The following AIFM2 variants were observed in gnomAD, a reference collection of about 807,000 sequenced individuals.
The protein encoded by AIFM2 is ferroptosis suppressor protein 1.
A neutral mutation model predicts 35.7 loss-of-function variants in AIFM2; 38 were observed. The observed-to-expected ratio is 1.06, with a 90% CI of 0.82 to 1.39. The LOEUF (loss-of-function observed/expected upper bound fraction) is 1.39, where lower values mean the gene tolerates loss of function less well. AIFM2 is among the 40% of genes most tolerant of loss of function. The pLI is 0.00. For missense variants in AIFM2, 476 were observed against 491.2 expected (o/e 0.97, Z 0.29); for synonymous variants, 185 against 203.5 (o/e 0.91, Z 0.77).
At position 70,117,135 on chromosome 10, in the gene AIFM2, C is replaced by T. The variant is rs186660885; in HGVS notation, c.617-361G>A. On this transcript the variant is annotated intron_variant, in intron 6 of 8. Transcript: ENST00000307864. The surrounding 1 kb of genome is among the most constrained non-coding windows in gnomAD (Gnocchi z 4.7). ...CAGGACGAGCGCTCCAAGTGCACCA[C>T]GACAAAGGGGAAAGCCAGAGAAAGA... Among the ~76,000 whole-genome samples the T allele has an allele frequency of 1.3e-3, 196 of 152,318 alleles. 2 individuals are homozygous for T. The highest frequency in any genetic ancestry group is 4.4e-3 in the African/African-American group (182 of 41,556).
Position 70,117,759 on chromosome 10 carries a change from C to T in AIFM2, c.616+53G>A, listed in dbSNP as rs2072453654. 6.8e-7 allele frequency: 1 copy of T among 1,468,420 alleles called. No individual in the cohort carries two copies. Among genetic ancestry groups the T allele is most frequent in the Admixed American group, 2.1e-5 (1 of 47,748 alleles). 91.0% of individuals were successfully genotyped at this position (1,468,420 alleles called of 1,614,324 possible). A position where few individuals can be genotyped will look rare whatever the true frequency, so the allele number is the denominator to read the frequency against. On this transcript the variant is annotated intron_variant, in intron 6 of 8. Coordinates refer to ENST00000307864, the MANE Select transcript of AIFM2 (RefSeq NM_032797.6). The surrounding 1 kb of genome is among the most constrained non-coding windows in gnomAD (Gnocchi z 4.7). ...TGGAAGCAGTCACCAAGCCTCCAAG[C>T]CACATCTCACCAGGCCAGGGCAGGG...
rs745751272 is a variant in AIFM2 at position 70,116,768 on chromosome 10, C to T, written c.623G>A (p.Arg208Gln). Residue 208 changes from arginine to glutamine, a missense_variant, in exon 7 of 9, where the codon CGG becomes CAG. Physicochemically the swap from Arg to Gln is conservative, Grantham distance 43 (BLOSUM62 1). Transcript: ENST00000307864. ...RKGVQLLLSERVSNLEELPLN... is the reference protein window; with the variant it reads ...RKGVQLLLSEQVSNLEELPLN... ...AGGCAGCTCCTCCAGATTGCTCACC[C>T]GCTCACCTAGAAGGGGGTTCATGAC... 195 of 1,613,948 alleles carry T rather than the reference C, an allele frequency of 1.2e-4. 3 individuals are homozygous for T. In the Middle Eastern group the frequency reaches 3.8e-3, roughly 31 times the overall value.
At chr10:70,118,837 T>C (rs1223727022) in intron 5 of AIFM2, among the ~76,000 whole-genome samples, 1 of 151,998 alleles carries the variant, frequency 6.6e-6, no homozygotes, top group Non-Finnish European at 1.5e-5. Context: ...GATGGGAGGG[T>C]CTGACATAGA....
chr10:70,123,210 G>T (rs970746992), intron 3 of AIFM2, among the ~76,000 whole-genome samples, 195 bp downstream of exon 3: 1 of 152,154 alleles, frequency 6.6e-6, no homozygotes, highest in Non-Finnish European at 1.5e-5. Context: ...GTAGAGACAG[G>T]GTTTTGCCAT....
In AIFM2 at chr10:70,115,020, C is replaced by T; in HGVS notation, c.870G>A (p.Arg290=). The T allele has an allele frequency of 6.2e-7, 1 of 1,614,192 alleles. No individual in the cohort carries two copies. The highest frequency in any genetic ancestry group is 1.1e-5 in the South Asian group (1 of 91,076). The change falls in exon 8 of 9, where the codon AGG becomes AGA. Residue 290 remains arginine (R), a synonymous_variant. Coordinates refer to ENST00000307864, the MANE Select transcript of AIFM2 (RefSeq NM_032797.6). ...VYAIGDCADV[R]TPKMAYLAGL... Reference sequence around the variant, plus strand: ...CGGCAAGATAGGCCATCTTGGGCGTCCTCACGTCGGCACAGTCACCAATGG... The same window carrying T: ...CGGCAAGATAGGCCATCTTGGGCGTTCTCACGTCGGCACAGTCACCAATGG...
chr10:70,124,626 C>A (rs998413459), intron 1 of AIFM2, among the ~76,000 whole-genome samples: 1 of 152,146 alleles, frequency 6.6e-6, no homozygotes, highest in Non-Finnish European at 1.5e-5. Context: ...TAAGGGCAGA[C>A]CTTACAAAGT....
rs924072129 is a variant in AIFM2 at position 70,117,171 on chromosome 10, C to T, written c.617-397G>A. Among the ~76,000 whole-genome samples, 4 of 152,190 alleles carry T rather than the reference C, an allele frequency of 2.6e-5. No individual in the cohort carries two copies. The highest frequency in any genetic ancestry group is 6.5e-5 in the Admixed American group (1 of 15,282). ...AAAGCCAGAGAAAGAGAAGCCAGCTCGCTACACTCACTGCCTAAAGTGACA... is the reference window on the plus strand; with the variant it reads ...AAAGCCAGAGAAAGAGAAGCCAGCTTGCTACACTCACTGCCTAAAGTGACA... On this transcript the variant is annotated intron_variant, in intron 6 of 8. Coordinates refer to ENST00000307864, the MANE Select transcript of AIFM2 (RefSeq NM_032797.6). The surrounding 1 kb of genome is among the most constrained non-coding windows in gnomAD (Gnocchi z 4.7).
At position 70,117,986 on chromosome 10, in the gene AIFM2, G is replaced by A. The variant is rs1316512469; in HGVS notation, c.508-66C>T. The A allele has an allele frequency of 6.0e-6, 7 of 1,161,642 alleles. No homozygotes were observed. The highest frequency in any genetic ancestry group is 7.6e-6 in the Non-Finnish European group (6 of 785,542). The allele number at this position is 1,161,642 out of a possible 1,614,324, so 72.0% of individuals were successfully genotyped here. On this transcript the variant is annotated intron_variant, in intron 5 of 8. Transcript: ENST00000307864. This position sits in a 1 kb window ranked among gnomAD's most constrained non-coding sequence, Gnocchi z 4.7. ...AAGTCTTCAAACACAATCATTGCAC[G>A]AACGTCCACCTCCACTCATACCTCC...
chr10:70,114,281 T>C lies in AIFM2; in HGVS notation c.1019A>G (p.Gln340Arg). ...LSMGRNDGVG[Q>R]ISGFYVGRLM... is the part of the protein sequence containing the mutation. ...CCGGCCCACATAGAAGCCACTGATT[T>C]GGCCCACACCGTCATTTCTCCCCAT... Residue 340 changes from glutamine (Q) to arginine (R), a missense_variant, in exon 9 of 9, where the codon CAA (glutamine) becomes CGA (arginine). By Grantham distance (43) the Gln-to-Arg change is conservative. Transcript: ENST00000307864. 6.2e-7 allele frequency: 1 copy of C among 1,614,026 alleles called. No individual in the cohort carries two copies. Among genetic ancestry groups the C allele is most frequent in the South Asian group, 1.1e-5 (1 of 91,080 alleles).
intron 5 of AIFM2, among the ~76,000 whole-genome samples, chr10:70,119,744 G>C (rs2072477193): frequency 6.6e-6 from 1 of 152,174 alleles, no homozygotes; most frequent in African/African-American, 2.4e-5. Flanking sequence ...TCCATTCAGA[G>C]GCCCCACATG....
At position 70,113,055 on chromosome 10, in the gene AIFM2, A is replaced by C. The variant is rs1589844032; in HGVS notation, c.*1123T>G. On this transcript the variant is annotated 3_prime_UTR_variant, in exon 9 of 9. Transcript: ENST00000307864. ...AATGGGTAAGCAGATGGCACCCCGC[A>C]AAGAGTCACATTATCTGCCCTTCCT... is the stretch of plus-strand genomic sequence containing the variant. 6.6e-6 allele frequency: 1 copy of C among 152,224 alleles called. No homozygotes were observed. The highest frequency in any genetic ancestry group is 2.4e-5 in the African/African-American group (1 of 41,450). 9.4% of individuals were successfully genotyped at this position (152,224 alleles called of 1,614,324 possible).
intron 1 of AIFM2, among the ~76,000 whole-genome samples, chr10:70,127,181 C>A (rs1419119693): frequency 6.6e-6 from 1 of 152,238 alleles, no homozygotes; most frequent in South Asian, 2.1e-4. Flanking sequence ...CAGCGTGCAA[C>A]CCTCTGTGCT....
intron 5 of AIFM2, among the ~76,000 whole-genome samples, chr10:70,119,873 C>T (rs1000541031): frequency 6.6e-6 from 1 of 152,212 alleles, no homozygotes; most frequent in African/African-American, 2.4e-5. Flanking sequence ...TCCTCTTTCT[C>T]GCTAGGTTGC....
intron 1 of AIFM2, among the ~76,000 whole-genome samples, chr10:70,126,376 G>A (rs558634296): frequency 6.6e-6 from 1 of 152,344 alleles, no homozygotes; most frequent in Non-Finnish European, 1.5e-5. Context: ...GCGGGTGTCA[G>A]CGAAGGAGGA....
intron 1 of AIFM2, among the ~76,000 whole-genome samples, chr10:70,129,323 C>A (rs1326990642): frequency 6.6e-6 from 1 of 151,880 alleles, no homozygotes; most frequent in Non-Finnish European, 1.5e-5. Context: ...TGGTGCCTGG[C>A]ACAGAGTAGC....
At position 70,113,985 on chromosome 10, in the gene AIFM2, C is replaced by G; in HGVS notation, c.*193G>C. 3 of 697,828 alleles carry G rather than the reference C, an allele frequency of 4.3e-6. No individual in the cohort carries two copies. The highest frequency in any genetic ancestry group is 2.3e-6 in the Non-Finnish European group (1 of 440,896). 43.2% of individuals were successfully genotyped at this position (697,828 alleles called of 1,614,324 possible). Reference sequence around the variant, plus strand: ...ACCTTCCAAACCCAGAAAGTATCCTCTAAGGGGGGTATTTGTTTAATACCT... The same window carrying G: ...ACCTTCCAAACCCAGAAAGTATCCTGTAAGGGGGGTATTTGTTTAATACCT... On this transcript the variant is annotated 3_prime_UTR_variant, in exon 9 of 9. Coordinates refer to ENST00000307864, the MANE Select transcript of AIFM2 (RefSeq NM_032797.6).
At chr10:70,118,230 CTTATAA>C (rs1184476515) in intron 5 of AIFM2, 3 of 285,066 alleles carry the variant, frequency 1.1e-5, no homozygotes, top group African/African-American at 2.3e-5. Context: ...TCCTTGGGCA[CTTATAA>C]TTATACAAGC....
At chr10:70,120,854 A>T (rs1278614310) in intron 4 of AIFM2, among the ~76,000 whole-genome samples, 1 of 152,206 alleles carries the variant, frequency 6.6e-6, no homozygotes, top group Non-Finnish European at 1.5e-5. Context: ...GCCCCAGGAG[A>T]GGAAAGTCAG....
intron 2 of AIFM2, 47 bp downstream of exon 2, chr10:70,123,860 A>G (rs377695857): frequency 6.7e-6 from 10 of 1,486,800 alleles, no homozygotes; most frequent in Non-Finnish European, 9.0e-6. Flanking sequence ...CCCAGAGCAG[A>G]GACAAGACCC....
Sources: allele counts gnomAD v4.1 joint callset (sites outside exome capture counted in the v4.1 genomes callset), GRCh38; gene constraint gnomAD v4.1.1; non-coding constraint Gnocchi (gnomAD v3.1); transcripts MANE v1.5; gene names NCBI Gene and HGNC (gene_info 2026-07-23, HGNC 2026-07-21).